Variants in RABGAP1L observed in about 807,000 individuals in gnomAD.
The protein encoded by RABGAP1L is RAB GTPase activating protein 1 like.
Under a neutral mutation model 137.7 loss-of-function variants are expected in RABGAP1L, and 63 were observed. The ratio of observed to expected loss-of-function variants is 0.46; its 90% confidence interval spans 0.37 to 0.56. The LOEUF (loss-of-function observed/expected upper bound fraction) is 0.56. Ranked by LOEUF, RABGAP1L falls within the 20% of genes least tolerant of loss-of-function variation. The pLI, the probability that RABGAP1L is intolerant of heterozygous loss-of-function variation, is 0.00. For missense variants in RABGAP1L, 1,095 were observed against 1,244.0 expected, an observed-to-expected ratio of 0.88 and a Z score of 1.80; for synonymous variants, 431 against 433.7, an observed-to-expected ratio of 0.99 and a Z score of 0.08.
intron 11 of RABGAP1L, among the ~76,000 whole-genome samples, chr1:174,336,159 C>T (rs1444758416): frequency 6.6e-6 from 1 of 152,168 alleles, no homozygotes; most frequent in Non-Finnish European, 1.5e-5. Flanking sequence ...TTTGCCTAGG[C>T]TGGAATGCAG....
At chr1:174,237,947 T>G (rs1303822877) in intron 4 of RABGAP1L, among the ~76,000 whole-genome samples, 2 of 150,674 alleles carry the variant, frequency 1.3e-5, no homozygotes, top group Non-Finnish European at 3.0e-5. Context: ...TAGTCCCATA[T>G]TTCTTGGAGG....
intron 10 of RABGAP1L, among the ~76,000 whole-genome samples, chr1:174,288,413 G>A (rs1053086380): frequency 6.6e-6 from 1 of 152,122 alleles, no homozygotes; most frequent in Non-Finnish European, 1.5e-5. Flanking sequence ...AACTCCTTTA[G>A]TTTTTGTTTG....
chr1:174,642,750 C>A (rs2148359225), intron 14 of RABGAP1L, among the ~76,000 whole-genome samples: 1 of 135,114 alleles, frequency 7.4e-6, no homozygotes, highest in South Asian at 2.6e-4. Flanking sequence ...TCCCCCTCTC[C>A]CCTTCTTCCC....
intron 18 of RABGAP1L, among the ~76,000 whole-genome samples, chr1:174,775,987 G>A (rs1486425667): frequency 1.3e-5 from 2 of 152,212 alleles, no homozygotes; most frequent in African/African-American, 2.4e-5. Context: ...CAGTAGAGGA[G>A]ATTTCTTGGT....
chr1:174,317,630 C>G (rs1480244299), intron 11 of RABGAP1L, among the ~76,000 whole-genome samples: 1 of 152,126 alleles, frequency 6.6e-6, no homozygotes, highest in East Asian at 1.9e-4. Flanking sequence ...TACTAGCACA[C>G]CCCTGGCTGC....
At chr1:174,249,631 CTTCT>C (rs372511581) in intron 5 of RABGAP1L, among the ~76,000 whole-genome samples, 45 of 143,670 alleles carry the variant, frequency 3.1e-4, no homozygotes, top group Middle Eastern at 3.5e-3. Flanking sequence ...AAAGGAATTC[CTTCT>C]TTCTTTCTTT....
intron 13 of RABGAP1L, among the ~76,000 whole-genome samples, chr1:174,463,059 T>C (rs944397298): frequency 6.6e-6 from 1 of 152,208 alleles, no homozygotes; most frequent in Non-Finnish European, 1.5e-5. Context: ...TTTACACTGT[T>C]GGTGGGACTG....
chr1:174,363,299 GT>G (rs1192909455), intron 11 of RABGAP1L, among the ~76,000 whole-genome samples: 1 of 152,106 alleles, frequency 6.6e-6, no homozygotes, highest in Non-Finnish European at 1.5e-5. Context: ...TTTTAAAATA[GT>G]TTTTTTGTAG....
At chr1:174,835,504 G>A (rs1214306335) in intron 19 of RABGAP1L, among the ~76,000 whole-genome samples, 1 of 152,134 alleles carries the variant, frequency 6.6e-6, no homozygotes, top group Non-Finnish European at 1.5e-5. Context: ...ACATTCCTGG[G>A]ACAGAAGAGC....
intron 19 of RABGAP1L, among the ~76,000 whole-genome samples, chr1:174,941,159 G>A (rs992177306): frequency 6.6e-6 from 1 of 152,154 alleles, no homozygotes; most frequent in Non-Finnish European, 1.5e-5. Flanking sequence ...GGAACTTCTT[G>A]TCCCTCCCTA....
intron 17 of RABGAP1L, among the ~76,000 whole-genome samples, chr1:174,743,684 G>T (rs996581515): frequency 6.6e-6 from 1 of 151,760 alleles, no homozygotes; most frequent in Non-Finnish European, 1.5e-5. Flanking sequence ...GCAAAACTAT[G>T]TTTTTTTAAA....
chr1:174,277,446 G>C (rs1675096377), intron 9 of RABGAP1L, among the ~76,000 whole-genome samples: 1 of 151,426 alleles, frequency 6.6e-6, no homozygotes. Context: ...GTAACACCTA[G>C]TTTAGTTTTA....
At chr1:174,892,722 TG>T (rs1656388038) in intron 19 of RABGAP1L, 2 of 492,402 alleles carry the variant, frequency 4.1e-6, no homozygotes, top group African/African-American at 4.2e-5. Flanking sequence ...CTCATTTCTT[TG>T]TTTTCTTTCT....
chr1:174,775,008 A>G (rs370540319), intron 18 of RABGAP1L, among the ~76,000 whole-genome samples: 2 of 152,252 alleles, frequency 1.3e-5, no homozygotes, highest in East Asian at 3.9e-4. Flanking sequence ...AGATCACTCA[A>G]GGACTCAGGT....
intron 18 of RABGAP1L, among the ~76,000 whole-genome samples, chr1:174,773,567 GAT>G (rs1292601815): frequency 2.6e-5 from 4 of 152,184 alleles, no homozygotes; most frequent in Non-Finnish European, 4.4e-5. Flanking sequence ...TATGTTCAAA[GAT>G]AGTTGTCCCA....
chr1:174,722,534 C>CT (rs1012626525), intron 17 of RABGAP1L, among the ~76,000 whole-genome samples: 2 of 151,888 alleles, frequency 1.3e-5, no homozygotes, highest in African/African-American at 4.8e-5. Context: ...ACTGCAACCT[C>CT]TGTCTCCTGG....
chr1:174,307,766 C>G (rs1572011459), intron 11 of RABGAP1L, among the ~76,000 whole-genome samples: 1 of 152,136 alleles, frequency 6.6e-6, no homozygotes, highest in East Asian at 1.9e-4. Flanking sequence ...GTGAATAATG[C>G]TGCAGTACAC....
At position 174,613,950 on chromosome 1, in the gene RABGAP1L, T is replaced by C. The variant is rs1371327609; in HGVS notation, c.1711-23425T>C. 1.3e-5 allele frequency among the ~76,000 whole-genome samples: 2 copies of C among 152,184 alleles called. 1 individual carries two copies. The highest frequency in any genetic ancestry group is 4.2e-4 in the South Asian group (2 of 4,816). ...TCCCTTTATTTTGAGCCTATGTGTG[T>C]CTCTGCACATGAGATGGGTTTCCTG... On this transcript the variant is annotated intron_variant, in intron 13 of 25. Coordinates refer to ENST00000681986, the MANE Select transcript of RABGAP1L (RefSeq NM_001366446.1).
At chr1:174,637,932 T>A (rs1054324765) in intron 14 of RABGAP1L, among the ~76,000 whole-genome samples, 11 of 152,202 alleles carry the variant, frequency 7.2e-5, no homozygotes, top group South Asian at 2.1e-4. Context: ...ACATCATATA[T>A]TTTTGTACGG....
Sources: allele counts gnomAD v4.1 joint callset (sites outside exome capture counted in the v4.1 genomes callset), GRCh38; gene constraint gnomAD v4.1.1; transcripts MANE v1.5; gene names NCBI Gene and HGNC (gene_info 2026-07-23, HGNC 2026-07-21).